The following DLG1 variants were observed in gnomAD, a reference collection of about 807,000 sequenced individuals.
The protein encoded by DLG1 is discs large MAGUK scaffold protein 1, also known as disks large homolog 1.
DLG1 carries 42 observed loss-of-function variants against 123.4 expected under a neutral mutation model. The ratio of observed to expected loss-of-function variants is 0.34; its 90% CI spans 0.27 to 0.44. The LOEUF (loss-of-function observed/expected upper bound fraction) is 0.44. Ranked by LOEUF, DLG1 falls within the 20% of genes least tolerant of loss-of-function variation. DLG1 has a pLI of 1.00. For synonymous variants in DLG1, 317 were observed against 356.2 expected (o/e 0.89, Z 1.24); for missense variants, 942 against 1,082.6 (o/e 0.87, Z 1.82).
intron 4 of DLG1, among the ~76,000 whole-genome samples, chr3:197,272,135 G>GA (rs1764160102): frequency 2.6e-5 from 4 of 152,154 alleles, no homozygotes. Context: ...GCAAAGCTGA[G>GA]TTTTTTTCCA....
intron 4 of DLG1, among the ~76,000 whole-genome samples, chr3:197,200,930 C>T (rs530258242): frequency 7.2e-5 from 11 of 152,196 alleles, no homozygotes; most frequent in East Asian, 1.9e-4. Context: ...GGAACAATAC[C>T]GGAATACCCA....
At chr3:197,079,161 A>C (rs1749262188) in intron 17 of DLG1, among the ~76,000 whole-genome samples, 1 of 152,218 alleles carries the variant, frequency 6.6e-6, no homozygotes. Context: ...TACTACATTT[A>C]ATACTTACTG....
At chr3:197,123,710 C>G (rs972033162) in intron 11 of DLG1, among the ~76,000 whole-genome samples, 1 of 152,044 alleles carries the variant, frequency 6.6e-6, no homozygotes, top group African/African-American at 2.4e-5. Context: ...ATATGCCTAC[C>G]CTGTAACACA....
At chr3:197,205,950 T>C (rs1728293140) in intron 4 of DLG1, among the ~76,000 whole-genome samples, 1 of 152,238 alleles carries the variant, frequency 6.6e-6, no homozygotes, top group Non-Finnish European at 1.5e-5. Context: ...CGGATTCTGT[T>C]TTCCAATTCC....
chr3:197,179,604 A>T (rs1271083572), intron 5 of DLG1, among the ~76,000 whole-genome samples: 1 of 152,170 alleles, frequency 6.6e-6, no homozygotes, highest in Non-Finnish European at 1.5e-5. Flanking sequence ...TAAATGATAT[A>T]AAAATAAGCT....
At chr3:197,195,204 T>C (rs1721818776) in intron 4 of DLG1, among the ~76,000 whole-genome samples, 1 of 150,368 alleles carries the variant, frequency 6.7e-6, no homozygotes, top group African/African-American at 2.5e-5. Flanking sequence ...ATAAACCTAC[T>C]CATAAAGAAA....
intron 4 of DLG1, among the ~76,000 whole-genome samples, chr3:197,253,949 TC>T (rs1177708741): frequency 6.6e-6 from 1 of 152,022 alleles, no homozygotes; most frequent in Non-Finnish European, 1.5e-5. Flanking sequence ...AATGGAAATT[TC>T]TGCACACGAA....
At chr3:197,183,462 A>C (rs993430919) in intron 5 of DLG1, 4 of 932,974 alleles carry the variant, frequency 4.3e-6, no homozygotes, top group African/African-American at 1.7e-5. Flanking sequence ...ACATTTCTAC[A>C]CATCCAAGGT....
chr3:197,256,647 A>T (rs1757006924), intron 4 of DLG1, among the ~76,000 whole-genome samples: 1 of 152,248 alleles, frequency 6.6e-6, no homozygotes, highest in Admixed American at 6.5e-5. Flanking sequence ...AAGTTCAGAC[A>T]TTTTACATAG....
At chr3:197,243,260 C>T (rs36035383) in intron 4 of DLG1, among the ~76,000 whole-genome samples, 16 of 152,004 alleles carry the variant, frequency 1.1e-4, no homozygotes, top group African/African-American at 3.6e-4. Flanking sequence ...TCGAGTAAGG[C>T]GGCATGGGTC....
chr3:197,266,399 A>G (rs2151002731), intron 4 of DLG1, among the ~76,000 whole-genome samples: 1 of 152,086 alleles, frequency 6.6e-6, no homozygotes, highest in African/African-American at 2.4e-5. Flanking sequence ...TAAAAACGAA[A>G]CTATCGAGAC....
At chr3:197,260,196 G>A in intron 4 of DLG1, 1 of 388,332 alleles carries the variant, frequency 2.6e-6, no homozygotes, top group South Asian at 2.0e-5. Context: ...AAAAGACACT[G>A]AACAAAGGGT....
At chr3:197,104,268 G>C (rs1239830368) in intron 14 of DLG1, among the ~76,000 whole-genome samples, 2 of 151,968 alleles carry the variant, frequency 1.3e-5, no homozygotes, top group African/African-American at 4.8e-5. Flanking sequence ...AGTAGTAAAA[G>C]GGACATTAAA....
chr3:197,085,871 T>C (rs995440127), intron 15 of DLG1, 115 bp from the exon 16 acceptor site: 1 of 893,038 alleles, frequency 1.1e-6, no homozygotes, highest in East Asian at 2.7e-5. Flanking sequence ...GTAGGCCAAA[T>C]AATGCCCAGT....
At position 197,085,324 on chromosome 3, in the gene DLG1, T is replaced by C. The variant is rs1245283220; in HGVS notation, c.1838+256A>G. On this transcript the variant is annotated intron_variant, in intron 16 of 24. Coordinates refer to ENST00000667157, the MANE Select transcript of DLG1 (RefSeq NM_001366207.1). ...TTGGAGGTGCAGAACTCACTCATCTTGTGTCACGGAAACTTTGTATCTCAT... is the reference window on the plus strand; with the variant it reads ...TTGGAGGTGCAGAACTCACTCATCTCGTGTCACGGAAACTTTGTATCTCAT... 1.8e-5 allele frequency: 8 copies of C among 435,942 alleles called. No individual in the cohort carries two copies. The East Asian group carries it at 1.9e-4, about 11-fold the overall frequency. The allele number at this position is 435,942 out of a possible 1,614,324, so 27.0% of individuals were successfully genotyped here.
At chr3:197,214,433 CGTG>C (rs1732947230) in intron 4 of DLG1, among the ~76,000 whole-genome samples, 1 of 151,828 alleles carries the variant, frequency 6.6e-6, no homozygotes, top group African/African-American at 2.4e-5. Context: ...AGTAGCCGGG[CGTG>C]GTGGTGGGCG....
intron 4 of DLG1, among the ~76,000 whole-genome samples, chr3:197,274,913 C>T (rs1299165895): frequency 6.6e-6 from 1 of 152,182 alleles, no homozygotes; most frequent in Non-Finnish European, 1.5e-5. Context: ...AAGCTGGGCA[C>T]GGTGGCTCAC....
intron 11 of DLG1, among the ~76,000 whole-genome samples, chr3:197,127,457 A>AAAAAAAAAAAAAATATAT (rs1780111833): frequency 4.8e-5 from 1 of 20,834 alleles, no homozygotes; most frequent in Non-Finnish European, 8.9e-5. Context: ...AAAAAAAAAA[A>AAAAAAAAAAAAAATATAT]ATATATATAT....
At chr3:197,298,041 T>A (rs1336894199) in intron 1 of DLG1, 5 of 581,448 alleles carry the variant, frequency 8.6e-6, no homozygotes, top group Non-Finnish European at 1.1e-5. Context: ...CTCGCCCAGT[T>A]GCTGCCGCAC....
Sources: allele counts gnomAD v4.1 joint callset (sites outside exome capture counted in the v4.1 genomes callset), GRCh38; gene constraint gnomAD v4.1.1; transcripts MANE v1.5; gene names NCBI Gene and HGNC (gene_info 2026-07-23, HGNC 2026-07-21).